Variants in ANKS1B observed in about 807,000 individuals in gnomAD.
ANKS1B encodes the protein ankyrin repeat and sterile alpha motif domain-containing protein 1B.
Under a neutral mutation model 148.3 loss-of-function variants are expected in ANKS1B, and 36 were observed. That is an observed-to-expected ratio of 0.24 (90% CI 0.19 to 0.32). The LOEUF is 0.32. Among genes scored for constraint, ANKS1B ranks in the 10% least tolerant of loss-of-function variants. The pLI, the probability that ANKS1B is intolerant of heterozygous loss-of-function variation, is 1.00. For missense variants in ANKS1B, 1,157 were observed against 1,542.6 expected (o/e 0.75, Z 4.19); for synonymous variants, 542 against 560.8 (o/e 0.97, Z 0.47).
At chr12:98,823,975 G>A (rs2099224273) in intron 19 of ANKS1B, among the ~76,000 whole-genome samples, 6 of 152,232 alleles carry the variant, frequency 3.9e-5, no homozygotes, top group Admixed American at 3.9e-4. Flanking sequence ...ACATGGCAAA[G>A]TGTTTGCCTC....
chr12:99,323,025 A>G (rs1043087789), intron 12 of ANKS1B, among the ~76,000 whole-genome samples: 1 of 152,102 alleles, frequency 6.6e-6, no homozygotes, highest in African/African-American at 2.4e-5. Context: ...TTCTTTATAA[A>G]TTACCCAGTC....
chr12:99,355,539 AAAG>A (rs561413319), intron 12 of ANKS1B, among the ~76,000 whole-genome samples: 18 of 152,154 alleles, frequency 1.2e-4, no homozygotes, highest in Non-Finnish European at 2.5e-4. Flanking sequence ...TGCCCTGCAA[AAAG>A]AAGCTCACTT....
intron 8 of ANKS1B, among the ~76,000 whole-genome samples, chr12:99,716,371 G>A (rs530915761): frequency 1.1e-4 from 16 of 151,460 alleles, no homozygotes; most frequent in East Asian, 5.9e-4. Flanking sequence ...AAGAACCTCC[G>A]AACCTCTTCC....
chr12:99,949,102 G>A (rs1193097705), intron 1 of ANKS1B, among the ~76,000 whole-genome samples: 2 of 152,134 alleles, frequency 1.3e-5, no homozygotes, highest in Non-Finnish European at 2.9e-5. Flanking sequence ...AAAAGCCTCA[G>A]GCAGATCAAA....
intron 12 of ANKS1B, among the ~76,000 whole-genome samples, chr12:99,322,324 G>A: frequency 6.6e-6 from 1 of 151,972 alleles, no homozygotes; most frequent in East Asian, 1.9e-4. Flanking sequence ...TGGACACAGG[G>A]GGGTGAACAA....
intron 21 of ANKS1B, among the ~76,000 whole-genome samples, chr12:98,800,699 T>TATATA (rs2098997827): frequency 2.0e-5 from 3 of 146,646 alleles, no homozygotes; most frequent in African/African-American, 7.9e-5. Flanking sequence ...TATGCCATAT[T>TATATA]TACACTCATT....
In ANKS1B at chr12:98,802,261, A is replaced by G. The variant is rs1254876749; in HGVS notation, c.3142-1136T>C. On this transcript the variant is annotated intron_variant, in intron 20 of 26. Transcript: ENST00000683438. ...AAACCTTGGTTAGAGAACAAGTTCCACAGAAGTGCTAGAAAGTGTGTTGAC... is the reference window on the plus strand; with the variant it reads ...AAACCTTGGTTAGAGAACAAGTTCCGCAGAAGTGCTAGAAAGTGTGTTGAC... Among the ~76,000 whole-genome samples the G allele has an allele frequency of 2.0e-5, 3 of 152,204 alleles. No homozygotes were observed. In the East Asian group the frequency reaches 5.8e-4, roughly 29 times the overall value.
At chr12:99,149,500 T>C (rs2074257357) in intron 15 of ANKS1B, among the ~76,000 whole-genome samples, 1 of 152,180 alleles carries the variant, frequency 6.6e-6, no homozygotes, top group Non-Finnish European at 1.5e-5. Flanking sequence ...CTGTAAAGGC[T>C]GCATTTTGAA....
At chr12:99,332,831 T>C (rs1208518560) in intron 12 of ANKS1B, among the ~76,000 whole-genome samples, 3 of 151,930 alleles carry the variant, frequency 2.0e-5, no homozygotes, top group Non-Finnish European at 4.4e-5. Flanking sequence ...CAGGTTGGCC[T>C]ATTCAGAGAA....
At chr12:99,687,706 C>A (rs555398240) in intron 8 of ANKS1B, among the ~76,000 whole-genome samples, 1 of 152,246 alleles carries the variant, frequency 6.6e-6, no homozygotes, top group South Asian at 2.1e-4. Flanking sequence ...TCTCCTCATG[C>A]TCATGTATCC....
chr12:99,854,364 T>G (rs1325641620), intron 1 of ANKS1B, among the ~76,000 whole-genome samples: 1 of 152,158 alleles, frequency 6.6e-6, no homozygotes, highest in African/African-American at 2.4e-5. Context: ...AGAAAAGAAT[T>G]TTTAAAAAGG....
intron 11 of ANKS1B, among the ~76,000 whole-genome samples, chr12:99,438,781 A>G (rs2095501699): frequency 6.6e-6 from 1 of 151,900 alleles, no homozygotes; most frequent in African/African-American, 2.4e-5. Context: ...ATGTTGAAAC[A>G]CTGTAACATT....
intron 16 of ANKS1B, among the ~76,000 whole-genome samples, chr12:99,064,847 C>T (rs957802992): frequency 1.3e-5 from 2 of 152,056 alleles, no homozygotes; most frequent in African/African-American, 4.8e-5. Flanking sequence ...TGAAGCTTTG[C>T]GTAAAAGAGG....
chr12:98,872,363 AC>A (rs919419691), intron 17 of ANKS1B, among the ~76,000 whole-genome samples: 1 of 152,048 alleles, frequency 6.6e-6, no homozygotes, highest in Non-Finnish European at 1.5e-5. Flanking sequence ...ATACAGTGAA[AC>A]CCTGTCTCTA....
chr12:99,733,955 C>T (rs1037974921), intron 8 of ANKS1B, among the ~76,000 whole-genome samples: 5 of 152,180 alleles, frequency 3.3e-5, no homozygotes, highest in African/African-American at 4.8e-5. Flanking sequence ...ATGGACTTTC[C>T]ATATAGCTTT....
Position 99,391,280 on chromosome 12 carries a change from C to T in ANKS1B, c.1756+8351G>A, listed in dbSNP as rs536668667. On this transcript the variant is annotated intron_variant, in intron 12 of 26. Coordinates refer to ENST00000683438, the MANE Select transcript of ANKS1B (RefSeq NM_001352186.2). ...CTTCGTTTAAAACACCTATCAATGA[C>T]TTCTCATTGCTCTTAGGATAAATAC... Among the ~76,000 whole-genome samples, 19 of 152,294 alleles carry T rather than the reference C, an allele frequency of 1.2e-4. No individual in the cohort carries two copies. In the South Asian group the frequency reaches 3.3e-3, roughly 27 times the overall value.
intron 1 of ANKS1B, among the ~76,000 whole-genome samples, chr12:99,945,107 C>T (rs1280788313): frequency 2.0e-5 from 3 of 152,058 alleles, no homozygotes; most frequent in African/African-American, 7.2e-5. Flanking sequence ...TTGGGAAAGA[C>T]AGACAATAAA....
chr12:99,565,024 C>T (rs1338286090), intron 9 of ANKS1B, among the ~76,000 whole-genome samples: 1 of 152,122 alleles, frequency 6.6e-6, no homozygotes, highest in Admixed American at 6.6e-5. Flanking sequence ...AATCAAGTTT[C>T]CTTAGAATGT....
chr12:99,571,075 C>T (rs1311640835), intron 9 of ANKS1B, among the ~76,000 whole-genome samples: 1 of 151,970 alleles, frequency 6.6e-6, no homozygotes, highest in African/African-American at 2.4e-5. Context: ...GTACAGCATA[C>T]AGGTATTTTG....
Sources: gnomAD v4.1 joint callset for allele counts (sites outside exome capture counted in the v4.1 genomes callset) on GRCh38, gnomAD v4.1.1 for gene constraint, MANE v1.5 for transcripts, NCBI Gene and HGNC (gene_info 2026-07-23, HGNC 2026-07-21) for gene names.